The following ASCC3 variants were observed in gnomAD, a reference collection of about 807,000 sequenced individuals.
ASCC3 encodes activating signal cointegrator 1 complex subunit 3.
Under a neutral mutation model 256.3 loss-of-function variants are expected in ASCC3, and 158 were observed. The ratio of observed to expected loss-of-function variants is 0.62; its 90% CI spans 0.54 to 0.70. The LOEUF (loss-of-function observed/expected upper bound fraction) is 0.70, where lower values mean the gene tolerates loss of function less well. ASCC3 is among the 30% of genes least tolerant of loss of function. The probability of loss-of-function intolerance (pLI) is 0.00; values close to 1 mark genes in which losing one functional copy is unlikely to be tolerated. For missense variants in ASCC3, 2,259 were observed against 2,626.0 expected (o/e 0.86, Z 3.05); for synonymous variants, 948 against 883.4 (o/e 1.07, Z -1.30).
chr6:100,671,870 T>C (rs1331905880), intron 14 of ASCC3, among the ~76,000 whole-genome samples: 1 of 152,038 alleles, frequency 6.6e-6, no homozygotes, highest in African/African-American at 2.4e-5. Context: ...AAAAAACTGG[T>C]AGCAAGCAAC....
intron 5 of ASCC3, 102 bp downstream of exon 5, chr6:100,805,658 A>T (rs1268481284): frequency 2.8e-5 from 39 of 1,376,406 alleles, no homozygotes; most frequent in Non-Finnish European, 3.9e-5. Context: ...AGTAAATTAT[A>T]TAACAGACCA....
intron 37 of ASCC3, among the ~76,000 whole-genome samples, chr6:100,528,583 C>A (rs1270183169): frequency 6.6e-6 from 1 of 152,122 alleles, no homozygotes; most frequent in African/African-American, 2.4e-5. Flanking sequence ...GTCTGCTCAT[C>A]CTATGGAGTA....
chr6:100,711,074 G>A (rs4240588), intron 13 of ASCC3, among the ~76,000 whole-genome samples: 140,971 of 152,202 alleles, frequency 0.93, 65,473 homozygotes, highest in East Asian at 1. Flanking sequence ...AAAATTTTCA[G>A]AAATTTCTCT....
intron 4 of ASCC3, among the ~76,000 whole-genome samples, chr6:100,837,263 G>C (rs896194850): frequency 2.6e-5 from 4 of 152,010 alleles, no homozygotes; most frequent in African/African-American, 9.7e-5. Flanking sequence ...GTGAAGAAAA[G>C]GGACCTCTTA....
Position 100,627,964 on chromosome 6 carries a change from C to A in ASCC3, c.4399G>T (p.Glu1467Ter), listed in dbSNP as rs1449596603. Reference sequence around the variant, plus strand: ...AAATTTGTTCGAGATACAATGACCTCTAGAACAGGGCCTCTTTCCTCCCCT... The same window carrying A: ...AAATTTGTTCGAGATACAATGACCTATAGAACAGGGCCTCTTTCCTCCCCT... ...LLGEERGPVL[E>*]VIVSRTNFIS... Residue 1467 changes from glutamate to a stop codon, truncating the protein, a stop_gained, in exon 28 of 42, where the codon GAG becomes TAG. Transcript: ENST00000369162. LOFTEE classifies it high-confidence loss of function. 1 of 1,613,452 alleles carries A rather than the reference C, an allele frequency of 6.2e-7. No individual in the cohort carries two copies. The highest frequency in any genetic ancestry group is 8.5e-7 in the Non-Finnish European group (1 of 1,179,764).
chr6:100,581,222 T>C (rs183010718), intron 36 of ASCC3, among the ~76,000 whole-genome samples: 88 of 152,334 alleles, frequency 5.8e-4, no homozygotes, highest in Non-Finnish European at 1.1e-3. Context: ...TTCCTATATC[T>C]CCACATGTTC....
intron 4 of ASCC3, among the ~76,000 whole-genome samples, chr6:100,844,747 G>C (rs951588801): frequency 2.6e-5 from 4 of 152,078 alleles, no homozygotes; most frequent in African/African-American, 9.7e-5. Flanking sequence ...AAGTAACATA[G>C]AGGCTCAAGG....
chr6:100,669,671 A>T (rs1776644374), intron 14 of ASCC3, among the ~76,000 whole-genome samples: 2 of 151,902 alleles, frequency 1.3e-5, no homozygotes, highest in Admixed American at 1.3e-4. Flanking sequence ...TAATCCAATC[A>T]GTTATTGAGA....
intron 8 of ASCC3, among the ~76,000 whole-genome samples, chr6:100,774,438 T>G (rs555974618): frequency 1.3e-5 from 2 of 152,220 alleles, no homozygotes; most frequent in African/African-American, 4.8e-5. Context: ...CTATCTTGGC[T>G]CACGGCAACC....
intron 36 of ASCC3, among the ~76,000 whole-genome samples, chr6:100,576,205 T>A (rs1473505891): frequency 6.6e-6 from 1 of 152,030 alleles, no homozygotes; most frequent in Non-Finnish European, 1.5e-5. Flanking sequence ...ATTCATGGTG[T>A]TAGAAAAAAC....
chr6:100,618,283 C>T (rs1249272482), intron 30 of ASCC3, among the ~76,000 whole-genome samples: 3 of 152,028 alleles, frequency 2.0e-5, no homozygotes, highest in African/African-American at 7.2e-5. Flanking sequence ...CACATTTTGC[C>T]CTGAAGGTAA....
At chr6:100,600,006 T>C (rs1772517651) in intron 34 of ASCC3, among the ~76,000 whole-genome samples, 2 of 152,066 alleles carry the variant, frequency 1.3e-5, no homozygotes, top group South Asian at 4.1e-4. Flanking sequence ...ACTTTCCAGA[T>C]GAAGAACGTC....
chr6:100,516,510 C>T (rs1283570536), intron 38 of ASCC3, among the ~76,000 whole-genome samples, 183 bp from the exon 39 acceptor site: 1 of 152,112 alleles, frequency 6.6e-6, no homozygotes, highest in East Asian at 1.9e-4. Flanking sequence ...CAAGGCAGTA[C>T]TGTTATCACT....
At chr6:100,588,749 T>C (rs1771835518) in intron 36 of ASCC3, among the ~76,000 whole-genome samples, 1 of 151,940 alleles carries the variant, frequency 6.6e-6, no homozygotes, top group Admixed American at 6.6e-5. Context: ...AACTGAGAAA[T>C]TGAAAAACTG....
At position 100,518,156 on chromosome 6, in the gene ASCC3, A is replaced by G; in HGVS notation, c.5776-14T>C. The G allele has an allele frequency of 1.2e-6, 2 of 1,613,256 alleles. No homozygotes were observed. The highest frequency in any genetic ancestry group is 1.7e-6 in the Non-Finnish European group (2 of 1,179,498). On this transcript the variant is annotated splice_polypyrimidine_tract_variant and intron_variant, in intron 37 of 41. Coordinates refer to ENST00000369162, the MANE Select transcript of ASCC3 (RefSeq NM_006828.4). ...GTCCAGCATTGCCTGAACAGGGAAA[A>G]TGCACATGTTACAAGAATTATATCA...
At chr6:100,553,250 A>G (rs1438329054) in intron 36 of ASCC3, among the ~76,000 whole-genome samples, 1 of 152,126 alleles carries the variant, frequency 6.6e-6, no homozygotes, top group East Asian at 1.9e-4. Flanking sequence ...AAAAACAAGC[A>G]AACAAAAATC....
intron 36 of ASCC3, among the ~76,000 whole-genome samples, chr6:100,584,171 A>G (rs1311089182): frequency 1.3e-5 from 2 of 151,108 alleles, no homozygotes; most frequent in African/African-American, 2.4e-5. Flanking sequence ...TGATCTGTCT[A>G]ATGTTGACAG....
At chr6:100,643,982 A>AT (rs750736287) in intron 23 of ASCC3, 49 bp downstream of exon 23, 54 of 1,301,956 alleles carry the variant, frequency 4.1e-5, no homozygotes, top group Non-Finnish European at 5.0e-5. Flanking sequence ...TGTTAGTATA[A>AT]TTTTTTTTAC....
intron 13 of ASCC3, among the ~76,000 whole-genome samples, chr6:100,697,441 C>T (rs1284151500): frequency 3.3e-5 from 5 of 151,580 alleles, no homozygotes; most frequent in African/African-American, 4.8e-5. Context: ...AATGCTAATA[C>T]ATAATAGAGG....
Sources: gnomAD v4.1 joint callset for allele counts (sites outside exome capture counted in the v4.1 genomes callset) on GRCh38, gnomAD v4.1.1 for gene constraint, MANE v1.5 for transcripts, NCBI Gene and HGNC (gene_info 2026-07-23, HGNC 2026-07-21) for gene names.